The following VAPA variants were observed in gnomAD, a reference collection of about 807,000 sequenced individuals.
VAPA encodes the protein VAMP associated protein A.
VAPA carries 6 observed loss-of-function variants against 25.6 expected under a neutral mutation model. That is an observed-to-expected ratio of 0.23 (90% CI 0.13 to 0.46). VAPA has a LOEUF of 0.46. Ranked by LOEUF, VAPA falls within the 20% of genes least tolerant of loss-of-function variation. The probability of loss-of-function intolerance (pLI) is 0.99; values close to 1 mark genes in which losing one functional copy is unlikely to be tolerated. For synonymous variants in VAPA, 112 were observed against 106.2 expected (o/e 1.05, Z -0.34); for missense variants, 244 against 302.1 (o/e 0.81, Z 1.43).
chr18:9,931,899 C>T lies in VAPA; in HGVS notation c.169C>T (p.Arg57Cys). ...VCFKVKTTAP[R>C]RYCVRPNSGI... is the part of the protein sequence containing the mutation. ...TTTCAAAGTGAAGACTACAGCACCT[C>T]GCCGGTACTGTGTGAGGCCCAACAG... Residue 57 changes from arginine (R) to cysteine (C), a missense_variant, in exon 2 of 6, where the codon CGC (arginine) becomes TGC (cysteine). This residue lies in a region of VAPA where 99 missense variants were observed against 161.6 expected (regional missense o/e 0.61). Coordinates refer to ENST00000400000, the MANE Select transcript of VAPA (RefSeq NM_194434.3). 6.2e-7 allele frequency: 1 copy of T among 1,611,292 alleles called. No individual in the cohort carries two copies. Among genetic ancestry groups the T allele is most frequent in the Non-Finnish European group, 8.5e-7 (1 of 1,177,636 alleles).
chr18:9,945,661 G>T (rs185142146), intron 4 of VAPA, among the ~76,000 whole-genome samples: 1 of 152,202 alleles, frequency 6.6e-6, no homozygotes, highest in East Asian at 1.9e-4. Context: ...ACCACATGTG[G>T]CAACCCCACA....
intron 5 of VAPA, among the ~76,000 whole-genome samples, chr18:9,952,564 CAAAA>C (rs58664560): frequency 9.1e-6 from 1 of 109,870 alleles, no homozygotes; most frequent in Non-Finnish European, 1.9e-5. Context: ...AACATCGTCT[CAAAA>C]AAAAAAAAAA....
At chr18:9,939,703 G>A (rs1033571584) in intron 4 of VAPA, among the ~76,000 whole-genome samples, 3 of 151,988 alleles carry the variant, frequency 2.0e-5, no homozygotes, top group Admixed American at 6.6e-5. Flanking sequence ...AGGGGCAATC[G>A]ATTTGCTCCT....
chr18:9,915,739 T>C (rs2069106918), intron 1 of VAPA: 1 of 152,248 alleles, frequency 6.6e-6, no homozygotes, highest in South Asian at 2.1e-4. Flanking sequence ...ATTATGAGAT[T>C]AATATTGCAT....
Position 9,954,848 on chromosome 18 carries a change from T to A in VAPA, c.*637T>A, listed in dbSNP as rs966670905. ...GATAGCTTGTTTGTGTCTGTCGTGTTATTAGAGGGAACTCCACTATATATG... is the reference window on the plus strand; with the variant it reads ...GATAGCTTGTTTGTGTCTGTCGTGTAATTAGAGGGAACTCCACTATATATG... On this transcript the variant is annotated 3_prime_UTR_variant, in exon 6 of 6. Coordinates refer to ENST00000400000, the MANE Select transcript of VAPA (RefSeq NM_194434.3). The A allele has an allele frequency of 6.5e-6, 1 of 152,702 alleles. No homozygotes were observed. The highest frequency in any genetic ancestry group is 2.4e-5 in the African/African-American group (1 of 41,476). 9.5% of individuals were successfully genotyped at this position (152,702 alleles called of 1,614,324 possible). A position where few individuals can be genotyped will look rare whatever the true frequency, so the allele number is the denominator to read the frequency against.
chr18:9,945,226 A>G (rs1262679029), intron 4 of VAPA, among the ~76,000 whole-genome samples: 1 of 152,224 alleles, frequency 6.6e-6, no homozygotes, highest in Non-Finnish European at 1.5e-5. Context: ...AATCATGCAT[A>G]CAAACTATTC....
intron 4 of VAPA, among the ~76,000 whole-genome samples, chr18:9,944,581 AATT>A (rs2069401648): frequency 6.6e-6 from 1 of 152,172 alleles, no homozygotes; most frequent in South Asian, 2.1e-4. Flanking sequence ...GATTATTGAC[AATT>A]ATTAATTAGT....
chr18:9,941,678 T>C (rs1171676085), intron 4 of VAPA, among the ~76,000 whole-genome samples: 2 of 152,176 alleles, frequency 1.3e-5, no homozygotes, highest in African/African-American at 4.8e-5. Context: ...ATATTCCTTT[T>C]CTTTGTTTAG....
chr18:9,917,508 T>G (rs1415811464), intron 1 of VAPA, among the ~76,000 whole-genome samples: 1 of 152,224 alleles, frequency 6.6e-6, no homozygotes, highest in Non-Finnish European at 1.5e-5. Flanking sequence ...CTCGAACTTC[T>G]GACCTCAGGT....
In VAPA at chr18:9,955,069, T is replaced by C. The variant is rs150556454; in HGVS notation, c.*858T>C. On this transcript the variant is annotated 3_prime_UTR_variant, in exon 6 of 6. Coordinates refer to ENST00000400000, the MANE Select transcript of VAPA (RefSeq NM_194434.3). ...ATAAGGTCCATGAGAATAGAAGTTATGTGATTTCAGTGAGTTGATGTGTAC... is the reference window on the plus strand; with the variant it reads ...ATAAGGTCCATGAGAATAGAAGTTACGTGATTTCAGTGAGTTGATGTGTAC... The C allele has an allele frequency of 7.0e-4, 106 of 152,348 alleles. 3 individuals carry two copies. The highest frequency in any genetic ancestry group is 2.3e-3 in the African/African-American group (94 of 41,590). The allele number at this position is 152,348 out of a possible 1,614,324, so 9.4% of individuals were successfully genotyped here. A position where few individuals can be genotyped will look rare whatever the true frequency, so the allele number is the denominator to read the frequency against.
Position 9,954,455 on chromosome 18 carries a change from G to A in VAPA, c.*244G>A, listed in dbSNP as rs1001569554. 13 of 385,222 alleles carry A rather than the reference G, an allele frequency of 3.4e-5. No homozygotes were observed. The highest frequency in any genetic ancestry group is 7.8e-5 in the South Asian group (1 of 12,814). 23.9% of individuals were successfully genotyped at this position (385,222 alleles called of 1,614,324 possible). On this transcript the variant is annotated 3_prime_UTR_variant, in exon 6 of 6. Coordinates refer to ENST00000400000, the MANE Select transcript of VAPA (RefSeq NM_194434.3). The stretch of plus-strand genomic sequence containing the variant: ...CTAGCAGATGTCAGTTGCACATTGA[G>A]TCCTTTATGAAATTCATAAATAAAG...
At position 9,950,511 on chromosome 18, in the gene VAPA, G is replaced by T. The variant is rs185666210; in HGVS notation, c.534G>T (p.Glu178Asp). The T allele has an allele frequency of 1.1e-3, 1,722 of 1,613,930 alleles. No individual in the cohort carries two copies. Among genetic ancestry groups the T allele is most frequent in the Middle Eastern group, 1.6e-3 (10 of 6,062 alleles). ...CCGAAACAAGGAAACTAATGGAAGA[G>T]TGTAAAAGACTTCAGGGAGAAATGA... is the stretch of plus-strand genomic sequence containing the variant. ...NDTETRKLMEECKRLQGEMMK... is the reference protein window; with the variant it reads ...NDTETRKLMEDCKRLQGEMMK... The change falls in exon 5 of 6, where the codon GAG becomes GAT. Residue 178 changes from glutamate to aspartate, a missense_variant. Physicochemically the swap from Glu to Asp is conservative, Grantham distance 45. Around this residue, in one of 2 missense-constraint regions of VAPA, gnomAD observed 145 missense variants for 140.6 expected, o/e 1.03. Coordinates refer to ENST00000400000, the MANE Select transcript of VAPA (RefSeq NM_194434.3).
intron 1 of VAPA, chr18:9,924,066 CT>C (rs2143303173): frequency 6.6e-6 from 1 of 152,050 alleles, no homozygotes; most frequent in South Asian, 2.1e-4. Context: ...TTTTGATAAA[CT>C]TTTTATAGCT....
In VAPA at chr18:9,950,408, C is replaced by T; in HGVS notation, c.431C>T (p.Pro144Leu). The T allele has an allele frequency of 6.2e-7, 1 of 1,613,280 alleles. No individual in the cohort carries two copies. Among genetic ancestry groups the T allele is most frequent in the Middle Eastern group, 1.7e-4 (1 of 6,060 alleles). Residue 144 changes from proline (P) to leucine (L), a missense_variant, in exon 5 of 6, where the codon CCT (proline) becomes CTT (leucine). This residue lies in a region of VAPA where 145 missense variants were observed against 140.6 expected (regional missense o/e 1.03). Transcript: ENST00000400000. ...TTTGTAATGCAGAATGATATGGAACCTAGCAAAGCTGTTCCACTGAATGCA... is the reference window on the plus strand; with the variant it reads ...TTTGTAATGCAGAATGATATGGAACTTAGCAAAGCTGTTCCACTGAATGCA... ...NENDKLNDME[P>L]SKAVPLNASK...
chr18:9,923,245 C>G (rs935574373), intron 1 of VAPA, among the ~76,000 whole-genome samples: 24 of 151,656 alleles, frequency 1.6e-4, no homozygotes, highest in African/African-American at 5.8e-4. Flanking sequence ...AGTTACGTAT[C>G]TTTTAGCTTT....
At chr18:9,914,401 G>C in intron 1 of VAPA, 66 bp downstream of exon 1, 1 of 1,426,828 alleles carries the variant, frequency 7.0e-7, no homozygotes, top group Non-Finnish European at 9.4e-7. Context: ...CGGCGGGGGG[G>C]CGCGGAGGGC....
rs182557292 is a variant in VAPA at position 9,931,756 on chromosome 18, G to A, written c.80-54G>A. 3.4e-5 allele frequency: 50 copies of A among 1,478,288 alleles called. No homozygotes were observed. In the Middle Eastern group the frequency reaches 7.0e-4, roughly 21 times the overall value. 91.6% of individuals were successfully genotyped at this position (1,478,288 alleles called of 1,614,324 possible). A position where few individuals can be genotyped will look rare whatever the true frequency, so the allele number is the denominator to read the frequency against. ...ATATATTTTCAGTTTTGAATCCTTCGTTGTTGAGAATCCAATTAAATTTTG... is the reference window on the plus strand; with the variant it reads ...ATATATTTTCAGTTTTGAATCCTTCATTGTTGAGAATCCAATTAAATTTTG... On this transcript the variant is annotated intron_variant, in intron 1 of 5. Transcript: ENST00000400000.
Position 9,924,144 on chromosome 18 carries a change from C to T in VAPA, c.80-7666C>T, listed in dbSNP as rs1247937528. The T allele has an allele frequency of 2.0e-5, 3 of 151,420 alleles. No homozygotes were observed. In the East Asian group the frequency reaches 5.8e-4, roughly 29 times the overall value. 9.4% of individuals were successfully genotyped at this position (151,420 alleles called of 1,614,324 possible). A position where few individuals can be genotyped will look rare whatever the true frequency, so the allele number is the denominator to read the frequency against. ...GTTAAGATTATTGTGATCATTTTTT[C>T]ATGTTATATTTTCCCCTAGCAAAAA... On this transcript the variant is annotated intron_variant, in intron 1 of 5. Transcript: ENST00000400000.
chr18:9,951,787 T>TA (rs1431591048), intron 5 of VAPA, among the ~76,000 whole-genome samples: 1 of 152,200 alleles, frequency 6.6e-6, no homozygotes, highest in African/African-American at 2.4e-5. Context: ...CACTCTAAAT[T>TA]AAAGGCACTG....
Sources: gnomAD v4.1 joint callset for allele counts (sites outside exome capture counted in the v4.1 genomes callset) on GRCh38, gnomAD v4.1.1 for gene constraint, gnomAD v4.1.1 regional missense constraint, MANE v1.5 for transcripts, NCBI Gene and HGNC (gene_info 2026-07-23, HGNC 2026-07-21) for gene names.